The following ROBO2 variants were observed in gnomAD, a reference collection of about 807,000 sequenced individuals.
ROBO2 encodes the protein roundabout guidance receptor 2, also known as roundabout homolog 2.
Under a neutral mutation model 160.8 loss-of-function variants are expected in ROBO2, and 53 were observed. The ratio of observed to expected loss-of-function variants is 0.33; its 90% CI spans 0.26 to 0.41. The LOEUF (loss-of-function observed/expected upper bound fraction) is 0.41. Ranked by LOEUF, ROBO2 falls within the 10% of genes least tolerant of loss-of-function variation. The pLI, the probability that ROBO2 is intolerant of heterozygous loss-of-function variation, is 1.00. For missense variants in ROBO2, 1,577 were observed against 1,722.4 expected (o/e 0.92, Z 1.49); for synonymous variants, 664 against 611.7 (o/e 1.09, Z -1.26).
chr3:77,547,744 G>A lies in ROBO2; in HGVS notation c.1059+1282G>A, dbSNP rs905580255. Reference sequence around the variant, plus strand: ...TTGTGGAATGTAAACGTAGTGACGGGAATGTAAGGAAAGGTGATGGCCACT... The same window carrying A: ...TTGTGGAATGTAAACGTAGTGACGGAAATGTAAGGAAAGGTGATGGCCACT... On this transcript the variant is annotated intron_variant, in intron 7 of 25. Transcript: ENST00000461745. Among the ~76,000 whole-genome samples the A allele has an allele frequency of 2.6e-5, 4 of 152,022 alleles. No individual in the cohort carries two copies. The South Asian group carries it at 8.3e-4, about 31-fold the overall frequency.
rs2068759554 is a variant in ROBO2, at chr3:76,079,739, G to GCTTA, written c.109+142138_109+142139insTTAC. Among the ~76,000 whole-genome samples the GCTTA allele has an allele frequency of 3.3e-5, 5 of 152,036 alleles. No individual in the cohort carries two copies. The East Asian group carries it at 9.7e-4, about 29-fold the overall frequency. On this transcript the variant is annotated intron_variant, in intron 2 of 26. Transcript: ENST00000487694. ...GAGCTCAGGCAATCCGTCTGCCTTGGCCTCCCAAAGTGCTAGGTAAAATTT... is the reference window on the plus strand; with the variant it reads ...GAGCTCAGGCAATCCGTCTGCCTTGGCTTACCTCCCAAAGTGCTAGGTAAAATTT...
rs1278451361 is a variant in ROBO2, at chr3:76,994,102, TG to T, written c.110-103911del. 7.9e-3 allele frequency among the ~76,000 whole-genome samples: 286 copies of T among 35,994 alleles called. 7 individuals are homozygous for T. The East Asian group carries it at 0.35, about 44-fold the overall frequency. 23.6% of individuals were successfully genotyped at this position (35,994 alleles called of 152,430 possible). ...ATGTGCTTTTTTTGTTTTTTTTTTT[TG>T]TTGTTTTAAAGCTGGTAAATGAGTG... On this transcript the variant is annotated intron_variant, in intron 2 of 26. Transcript: ENST00000487694.
chr3:77,269,461 G>T (rs2059348227), intron 2 of ROBO2, among the ~76,000 whole-genome samples: 1 of 152,018 alleles, frequency 6.6e-6, no homozygotes, highest in Admixed American at 6.6e-5. Context: ...CTTTTCTTTT[G>T]GATTTGGCGT....
At chr3:76,100,178 G>A (rs930421603) in intron 2 of ROBO2, among the ~76,000 whole-genome samples, 2 of 152,158 alleles carry the variant, frequency 1.3e-5, no homozygotes, top group African/African-American at 4.8e-5. Context: ...TATTTGTTTT[G>A]AAGTCTAGGT....
At chr3:77,247,586 G>A (rs1174325201) in intron 2 of ROBO2, among the ~76,000 whole-genome samples, 1 of 152,136 alleles carries the variant, frequency 6.6e-6, no homozygotes, top group Non-Finnish European at 1.5e-5. Context: ...TTCAGTAAGA[G>A]TAATTGTATC....
chr3:76,253,930 T>G (rs1209804961), intron 2 of ROBO2, among the ~76,000 whole-genome samples: 1 of 151,880 alleles, frequency 6.6e-6, no homozygotes, highest in African/African-American at 2.4e-5. Context: ...AGTCAACAAA[T>G]TTTTAGAAAC....
intron 2 of ROBO2, among the ~76,000 whole-genome samples, chr3:76,885,278 A>C (rs1335410006): frequency 6.6e-6 from 1 of 152,180 alleles, no homozygotes; most frequent in African/African-American, 2.4e-5. Flanking sequence ...AAATTTAACC[A>C]TGCAATACAG....
intron 2 of ROBO2, among the ~76,000 whole-genome samples, chr3:76,638,190 C>G (rs1241383369): frequency 6.6e-6 from 1 of 152,170 alleles, no homozygotes; most frequent in Admixed American, 6.5e-5. Context: ...GAAGCCCTCA[C>G]ATGAATGCAT....
chr3:76,356,858 A>C (rs1160282842), intron 2 of ROBO2, among the ~76,000 whole-genome samples: 1 of 151,902 alleles, frequency 6.6e-6, no homozygotes, highest in Non-Finnish European at 1.5e-5. Context: ...TGATATTCCT[A>C]CTCATAAAAT....
rs59409802 is a variant in ROBO2 at position 77,538,170 on chromosome 3, C to CTTT, written c.935-8144_935-8142dup. Among the ~76,000 whole-genome samples the CTTT allele has an allele frequency of 3.1e-4, 32 of 102,494 alleles. 1 individual carries two copies. Among genetic ancestry groups the CTTT allele is most frequent in the African/African-American group, 6.7e-4 (17 of 25,424 alleles). The allele number at this position is 102,494 out of a possible 152,430, so 67.2% of individuals were successfully genotyped here. On this transcript the variant is annotated intron_variant, in intron 6 of 25. Coordinates refer to ENST00000461745, the Ensembl canonical transcript of ROBO2. Reference sequence around the variant, plus strand: ...GGTAATTTAGCAATTTGATCATTTACTTTTTTTTTTTTTTTTTTTTTTTTT... The same window carrying CTTT: ...GGTAATTTAGCAATTTGATCATTTACTTTTTTTTTTTTTTTTTTTTTTTTTTTT...
intron 2 of ROBO2, among the ~76,000 whole-genome samples, chr3:76,774,008 C>A (rs948017776): frequency 1.3e-5 from 2 of 150,744 alleles, no homozygotes; most frequent in African/African-American, 4.9e-5. Context: ...CAAATATGCT[C>A]CTTTTAAGAA....
intron 2 of ROBO2, among the ~76,000 whole-genome samples, chr3:76,581,762 G>A (rs2085718629): frequency 6.6e-6 from 1 of 152,032 alleles, no homozygotes; most frequent in African/African-American, 2.4e-5. Context: ...ACAATACAAA[G>A]TCATTATAGA....
intron 17 of ROBO2, among the ~76,000 whole-genome samples, chr3:77,593,973 T>C (rs1036682470): frequency 6.6e-6 from 1 of 152,184 alleles, no homozygotes; most frequent in Non-Finnish European, 1.5e-5. Context: ...GTGAAAATAG[T>C]ATTTTTTTTC....
chr3:77,276,097 C>A (rs558122291), intron 2 of ROBO2, among the ~76,000 whole-genome samples: 1 of 152,172 alleles, frequency 6.6e-6, no homozygotes, highest in African/African-American at 2.4e-5. Flanking sequence ...AAATTTGTAA[C>A]CACCTTATAG....
intron 2 of ROBO2, among the ~76,000 whole-genome samples, chr3:76,530,103 C>G (rs1003446137): frequency 4.6e-5 from 7 of 152,164 alleles, no homozygotes; most frequent in Admixed American, 6.6e-5. Flanking sequence ...CCAGGGCCCT[C>G]TTTCTGCCTC....
At chr3:77,251,337 G>A (rs540702235) in intron 2 of ROBO2, among the ~76,000 whole-genome samples, 34 of 152,202 alleles carry the variant, frequency 2.2e-4, no homozygotes, top group African/African-American at 8.2e-4. Flanking sequence ...ACCTGGACTC[G>A]CTTGAATTAC....
At chr3:76,821,722 A>G (rs1219884554) in intron 2 of ROBO2, among the ~76,000 whole-genome samples, 4 of 152,170 alleles carry the variant, frequency 2.6e-5, no homozygotes, top group East Asian at 1.9e-4. Context: ...GCATGATTCC[A>G]GAATTATCAT....
chr3:77,609,290 G>A (rs2094581476), intron 21 of ROBO2, among the ~76,000 whole-genome samples: 1 of 151,922 alleles, frequency 6.6e-6, no homozygotes, highest in African/African-American at 2.4e-5. Flanking sequence ...ATAAAATTCT[G>A]TATATGATCT....
chr3:76,844,146 A>G (rs1019848668), intron 2 of ROBO2, among the ~76,000 whole-genome samples: 3 of 152,024 alleles, frequency 2.0e-5, no homozygotes, highest in Admixed American at 6.6e-5. Flanking sequence ...TATTTGAATA[A>G]ATAGCATATT....
Sources: allele counts gnomAD v4.1 joint callset (sites outside exome capture counted in the v4.1 genomes callset), GRCh38; gene constraint gnomAD v4.1.1; transcripts MANE v1.5; gene names NCBI Gene and HGNC (gene_info 2026-07-23, HGNC 2026-07-21).